ABHD2: variants seen among roughly 807,000 people sequenced by gnomAD.
ABHD2 encodes abhydrolase domain containing 2, acylglycerol lipase.
ABHD2 carries 20 observed loss-of-function variants against 48.1 expected under a neutral mutation model. The observed-to-expected ratio is 0.42, with a 90% CI of 0.29 to 0.60. The LOEUF (loss-of-function observed/expected upper bound fraction) is 0.60, where lower values mean the gene tolerates loss of function less well. Ranked by LOEUF, ABHD2 falls within the 20% of genes least tolerant of loss-of-function variation. ABHD2 has a pLI of 0.24. For synonymous variants in ABHD2, 209 were observed against 214.2 expected (o/e 0.98, Z 0.21); for missense variants, 405 against 550.9 (o/e 0.74, Z 2.65).
intron 3 of ABHD2, among the ~76,000 whole-genome samples, chr15:89,139,871 A>T (rs1276737024): frequency 3.9e-5 from 6 of 152,130 alleles, no homozygotes; most frequent in African/African-American, 1.4e-4. Context: ...CAGTCTTGGC[A>T]CCTAACTAGA....
rs917982742 is a variant in ABHD2 at position 89,185,695 on chromosome 15, G to A, written c.815+179G>A. On this transcript the variant is annotated intron_variant, in intron 7 of 10. Transcript: ENST00000352732. The surrounding 1 kb of genome is among the most constrained non-coding windows in gnomAD (Gnocchi z 5.9). ...AGAAACAAACTTGTCTTGGCCAGGC[G>A]CGGTGGCTCACGCCTGTAACCCCAG... is the stretch of plus-strand genomic sequence containing the variant. Among the ~76,000 whole-genome samples the A allele has an allele frequency of 9.9e-5, 15 of 152,150 alleles. No individual in the cohort carries two copies. Among genetic ancestry groups the A allele is most frequent in the East Asian group, 5.8e-4 (3 of 5,188 alleles).
intron 3 of ABHD2, among the ~76,000 whole-genome samples, chr15:89,118,965 G>A (rs188296150): frequency 7.7e-4 from 117 of 152,208 alleles, no homozygotes; most frequent in African/African-American, 2.6e-3. Flanking sequence ...TGGATCCCCA[G>A]CCCCATCTCC....
chr15:89,189,227 G>A lies in ABHD2; in HGVS notation c.926+924G>A, dbSNP rs905809448. ...AGGCCAGGAACAGTGGCTCATGCCTGTAATTCCAGCACTTGGGGAGGCTGA... is the reference window on the plus strand; with the variant it reads ...AGGCCAGGAACAGTGGCTCATGCCTATAATTCCAGCACTTGGGGAGGCTGA... On this transcript the variant is annotated intron_variant, in intron 8 of 10. Transcript: ENST00000352732. This position sits in a 1 kb window ranked among gnomAD's most constrained non-coding sequence, Gnocchi z 4.9. 5.3e-5 allele frequency among the ~76,000 whole-genome samples: 8 copies of A among 152,216 alleles called. No homozygotes were observed. Among genetic ancestry groups the A allele is most frequent in the Non-Finnish European group, 1.0e-4 (7 of 68,046 alleles).
chr15:89,052,741 C>T, the ABHD2 span, among the ~76,000 whole-genome samples: 1 of 152,180 alleles, frequency 6.6e-6, no homozygotes, highest in East Asian at 1.9e-4. Context: ...AGCCAATACC[C>T]TGATCTCAGA....
At chr15:89,153,778 A>G (rs564425701) in intron 4 of ABHD2, among the ~76,000 whole-genome samples, 2 of 152,320 alleles carry the variant, frequency 1.3e-5, no homozygotes, top group East Asian at 1.9e-4. Flanking sequence ...GTCACCCAAC[A>G]TATATTATTA....
Position 89,186,754 on chromosome 15 carries a change from C to G in ABHD2, c.815+1238C>G, listed in dbSNP as rs1210958491. 6.6e-6 allele frequency among the ~76,000 whole-genome samples: 1 copy of G among 152,166 alleles called. No individual in the cohort carries two copies. Among genetic ancestry groups the G allele is most frequent in the Non-Finnish European group, 1.5e-5 (1 of 68,032 alleles). ...AATTTGGGGGATTTTTGGTATCACCCTAGAAAAAGCAATCTGACTAAATGA... is the reference window on the plus strand; with the variant it reads ...AATTTGGGGGATTTTTGGTATCACCGTAGAAAAAGCAATCTGACTAAATGA... On this transcript the variant is annotated intron_variant, in intron 7 of 10. Transcript: ENST00000352732. This position sits in a 1 kb window ranked among gnomAD's most constrained non-coding sequence, Gnocchi z 4.3.
intron 1 of ABHD2, among the ~76,000 whole-genome samples, chr15:89,113,362 A>G (rs1357723914): frequency 6.6e-6 from 1 of 152,228 alleles, no homozygotes; most frequent in East Asian, 1.9e-4. Flanking sequence ...CTCGATCTCA[A>G]GCCTTGCTAA....
At chr15:89,150,820 C>A (rs1052021118) in intron 3 of ABHD2, among the ~76,000 whole-genome samples, 7 of 152,188 alleles carry the variant, frequency 4.6e-5, no homozygotes, top group Non-Finnish European at 8.8e-5. Context: ...TCCTGGACAA[C>A]CATCAAGCTT....
Position 89,091,307 on chromosome 15 carries a change from C to T in ABHD2, c.-107+2744C>T, listed in dbSNP as rs1247524862. ...TTCTAGATTGAACCAAAGATTATCA[C>T]TTCATTAAATGGCACCTTCTCATGC... On this transcript the variant is annotated intron_variant, in intron 1 of 10. Transcript: ENST00000352732. This position sits in a 1 kb window ranked among gnomAD's most constrained non-coding sequence, Gnocchi z 5.5. Among the ~76,000 whole-genome samples the T allele has an allele frequency of 6.6e-6, 1 of 152,226 alleles. No individual in the cohort carries two copies. The highest frequency in any genetic ancestry group is 1.5e-5 in the Non-Finnish European group (1 of 68,048).
intron 5 of ABHD2, among the ~76,000 whole-genome samples, chr15:89,161,227 T>C (rs768455518): frequency 6.6e-6 from 1 of 152,110 alleles, no homozygotes. Flanking sequence ...TTTTTGCTTT[T>C]TTACTTTTTA....
At chr15:89,122,084 C>T (rs1483542147) in intron 3 of ABHD2, among the ~76,000 whole-genome samples, 1 of 152,160 alleles carries the variant, frequency 6.6e-6, no homozygotes, top group East Asian at 1.9e-4. Context: ...TCCACCTTGG[C>T]CTCCCAAAGC....
chr15:89,106,395 G>A lies in ABHD2; in HGVS notation c.-106-7330G>A, dbSNP rs1403517508. On this transcript the variant is annotated intron_variant, in intron 1 of 10. Coordinates refer to ENST00000352732, the MANE Select transcript of ABHD2 (RefSeq NM_152924.5). This position sits in a 1 kb window ranked among gnomAD's most constrained non-coding sequence, Gnocchi z 4.2. ...CGTGGTCCTAGACCAACACCGATTT[G>A]CTAAAAGGTGGGTCTGTGAGCTGCT... 6.6e-6 allele frequency: 1 copy of A among 152,236 alleles called. No homozygotes were observed. Among genetic ancestry groups the A allele is most frequent in the East Asian group, 1.9e-4 (1 of 5,184 alleles). The allele number at this position is 152,236 out of a possible 1,614,324, so 9.4% of individuals were successfully genotyped here. A position where few individuals can be genotyped will look rare whatever the true frequency, so the allele number is the denominator to read the frequency against.
Position 89,176,081 on chromosome 15 carries a change from G to C in ABHD2, c.722+86G>C. On this transcript the variant is annotated intron_variant, in intron 6 of 10. Transcript: ENST00000352732. This position sits in a 1 kb window ranked among gnomAD's most constrained non-coding sequence, Gnocchi z 4.5. ...GACGCACAACACACTGTTCTGTGAA[G>C]ACCGGGGAACACTGTGGCCGACTGA... is the stretch of plus-strand genomic sequence containing the variant. 1 of 1,386,402 alleles carries C rather than the reference G, an allele frequency of 7.2e-7. No homozygotes were observed. Among genetic ancestry groups the C allele is most frequent in the South Asian group, 1.5e-5 (1 of 67,048 alleles). 85.9% of individuals were successfully genotyped at this position (1,386,402 alleles called of 1,614,324 possible).
At chr15:89,050,104 A>G in the ABHD2 span, among the ~76,000 whole-genome samples, 4 of 152,210 alleles carry the variant, frequency 2.6e-5, no homozygotes, top group Non-Finnish European at 4.4e-5. Flanking sequence ...TCTTGGAGAA[A>G]GATGAAAGAC....
the ABHD2 span, among the ~76,000 whole-genome samples, chr15:89,042,976 CTTT>C: frequency 3.9e-5 from 6 of 152,130 alleles, no homozygotes; most frequent in Non-Finnish European, 7.4e-5. Context: ...CCTATACCTT[CTTT>C]CTTAATTTGC....
chr15:89,178,696 C>T (rs28407291), intron 6 of ABHD2, among the ~76,000 whole-genome samples: 16,597 of 152,204 alleles, frequency 0.11, 1,044 homozygotes, highest in South Asian at 0.15. Flanking sequence ...GACACAGATG[C>T]CCTGAAATCA....
chr15:89,047,231 T>C, the ABHD2 span, among the ~76,000 whole-genome samples: 1 of 152,024 alleles, frequency 6.6e-6, no homozygotes, highest in Non-Finnish European at 1.5e-5. Flanking sequence ...TAATCCTGAG[T>C]TCTAGTTTGA....
chr15:89,129,943 A>G (rs979303461), intron 3 of ABHD2, among the ~76,000 whole-genome samples: 3 of 152,220 alleles, frequency 2.0e-5, no homozygotes, highest in Non-Finnish European at 4.4e-5. Flanking sequence ...CATAATGTAC[A>G]CGAAGGTCAC....
At chr15:89,055,596 A>G in the ABHD2 span, among the ~76,000 whole-genome samples, 4 of 152,122 alleles carry the variant, frequency 2.6e-5, no homozygotes, top group African/African-American at 9.7e-5. Flanking sequence ...CGGCCTCCCA[A>G]AGTGCTGGGA....
Sources: allele counts gnomAD v4.1 joint callset (sites outside exome capture counted in the v4.1 genomes callset), GRCh38; gene constraint gnomAD v4.1.1; non-coding constraint Gnocchi (gnomAD v3.1); transcripts MANE v1.5; gene names NCBI Gene and HGNC (gene_info 2026-07-23, HGNC 2026-07-21).